The following DACH1 variants were observed in gnomAD, a reference collection of about 807,000 sequenced individuals.
The protein encoded by DACH1 is dachshund family transcription factor 1, also known as dachshund homolog 1.
DACH1 carries 12 observed loss-of-function variants against 54.2 expected under a neutral mutation model. The observed-to-expected ratio is 0.22, with a 90% CI of 0.14 to 0.36. The LOEUF (loss-of-function observed/expected upper bound fraction) is 0.36. DACH1 is among the 10% of genes least tolerant of loss of function. The pLI is 1.00. For synonymous variants in DACH1, 386 were observed against 366.2 expected (o/e 1.05, Z -0.62); for missense variants, 805 against 929.8 (o/e 0.87, Z 1.75).
chr13:71,783,884 C>A (rs1158410918), intron 1 of DACH1, among the ~76,000 whole-genome samples: 2 of 135,776 alleles, frequency 1.5e-5, no homozygotes, highest in African/African-American at 2.8e-5. Context: ...AAATAAAAAA[C>A]AGGATAGTAT....
Position 71,556,679 on chromosome 13 carries a change from TTGTTCTA to T in DACH1, c.1570+338_1570+344del, listed in dbSNP as rs527295917. Among the ~76,000 whole-genome samples, 964 of 152,250 alleles carry T rather than the reference TTGTTCTA, an allele frequency of 6.3e-3. 10 individuals carry two copies. Among genetic ancestry groups the T allele is most frequent in the African/African-American group, 0.022 (899 of 41,554 alleles). On this transcript the variant is annotated intron_variant, in intron 6 of 10. Transcript: ENST00000613252. ...CAGAATAATCCTTTCTATATTGTTATTGTTCTATCATGCTAAGTAAAATGACAGTGAC... is the reference window on the plus strand; with the variant it reads ...CAGAATAATCCTTTCTATATTGTTATTCATGCTAAGTAAAATGACAGTGAC...
intron 1 of DACH1, among the ~76,000 whole-genome samples, chr13:71,770,499 C>A (rs1246805966): frequency 6.6e-6 from 1 of 151,440 alleles, no homozygotes; most frequent in Non-Finnish European, 1.5e-5. Flanking sequence ...GCCCCGTAAT[C>A]CAGTAACATT....
intron 6 of DACH1, among the ~76,000 whole-genome samples, chr13:71,494,970 CT>C (rs1348614608): frequency 6.6e-6 from 1 of 151,984 alleles, no homozygotes; most frequent in African/African-American, 2.4e-5. Context: ...TAATGGGCCT[CT>C]ACTTTTAAAA....
intron 1 of DACH1, among the ~76,000 whole-genome samples, chr13:71,702,514 AT>A (rs1480298273): frequency 6.6e-5 from 10 of 152,260 alleles, no homozygotes; most frequent in Admixed American, 4.6e-4. Context: ...CTTTAAATTT[AT>A]TTTTCCTCTA....
chr13:71,662,284 G>A (rs1419720373), intron 2 of DACH1, among the ~76,000 whole-genome samples: 2 of 151,938 alleles, frequency 1.3e-5, no homozygotes, highest in Non-Finnish European at 2.9e-5. Flanking sequence ...TGTTAAAAGG[G>A]TTCAGAATGA....
chr13:71,472,186 T>C (rs1877139957), intron 10 of DACH1, among the ~76,000 whole-genome samples: 1 of 152,332 alleles, frequency 6.6e-6, no homozygotes, highest in South Asian at 2.1e-4. Context: ...TTACAATTCA[T>C]GAATTCCTAG....
intron 3 of DACH1, among the ~76,000 whole-genome samples, chr13:71,611,959 C>G (rs1422636155): frequency 6.6e-6 from 1 of 151,936 alleles, no homozygotes; most frequent in Non-Finnish European, 1.5e-5. Flanking sequence ...AGCTCAGATA[C>G]AGAGAATACA....
chr13:71,777,337 C>T (rs1007663539), intron 1 of DACH1, among the ~76,000 whole-genome samples: 1 of 152,062 alleles, frequency 6.6e-6, no homozygotes, highest in African/African-American at 2.4e-5. Context: ...GTAGCTTGAA[C>T]AGTAAGTCTC....
intron 1 of DACH1, among the ~76,000 whole-genome samples, chr13:71,808,286 A>AT (rs373447982): frequency 1.0e-3 from 155 of 152,154 alleles, no homozygotes; most frequent in African/African-American, 3.5e-3. Context: ...TCTCCATGAG[A>AT]TTTTTTTGTG....
Position 71,714,970 on chromosome 13 carries a change from G to A in DACH1, c.849-33060C>T, listed in dbSNP as rs529551754. 5.9e-5 allele frequency among the ~76,000 whole-genome samples: 9 copies of A among 152,186 alleles called. No individual in the cohort carries two copies. The South Asian group carries it at 1.9e-3, about 32-fold the overall frequency. On this transcript the variant is annotated intron_variant, in intron 1 of 10. Coordinates refer to ENST00000613252, the MANE Select transcript of DACH1 (RefSeq NM_080759.6). Reference sequence around the variant, plus strand: ...GTTGTGACTTAACTGAGAAAAAAGGGATAGCTAACATACACAGAACATCTA... The same window carrying A: ...GTTGTGACTTAACTGAGAAAAAAGGAATAGCTAACATACACAGAACATCTA...
In DACH1 at chr13:71,505,130, T is replaced by A. The variant is rs1382707270; in HGVS notation, c.1571-15982A>T. ...CTGGAGTCTTACTCTGTCGCCAGGC[T>A]GGAGTGCAGTGGCAAGATCTCGGTT... On this transcript the variant is annotated intron_variant, in intron 6 of 10. Coordinates refer to ENST00000613252, the MANE Select transcript of DACH1 (RefSeq NM_080759.6). Among the ~76,000 whole-genome samples, 3 of 152,130 alleles carry A rather than the reference T, an allele frequency of 2.0e-5. No individual in the cohort carries two copies. The East Asian group carries it at 5.8e-4, about 29-fold the overall frequency.
chr13:71,599,895 G>A (rs1196550500), intron 3 of DACH1, among the ~76,000 whole-genome samples: 2 of 151,566 alleles, frequency 1.3e-5, no homozygotes, highest in East Asian at 1.9e-4. Context: ...GATATAATGT[G>A]AGATGCCTCT....
At chr13:71,616,598 T>C (rs1875785021) in intron 3 of DACH1, among the ~76,000 whole-genome samples, 1 of 151,936 alleles carries the variant, frequency 6.6e-6, no homozygotes, top group Non-Finnish European at 1.5e-5. Context: ...TAGCCAGGTG[T>C]GGTGGCATAT....
chr13:71,840,887 C>T (rs1328288816), intron 1 of DACH1, among the ~76,000 whole-genome samples: 1 of 152,066 alleles, frequency 6.6e-6, no homozygotes, highest in Non-Finnish European at 1.5e-5. Flanking sequence ...ACTTTTCTTT[C>T]CGTCTTACAA....
rs755422954 is a variant in DACH1, at chr13:71,573,008, C to T, written c.1131G>A (p.Leu377=). 2 of 1,613,102 alleles carry T rather than the reference C, an allele frequency of 1.2e-6. No individual in the cohort carries two copies. The highest frequency in any genetic ancestry group is 1.1e-5 in the South Asian group (1 of 90,912). The change falls in exon 4 of 11, where the codon CTG becomes CTA. Residue 377 remains leucine (L), a synonymous_variant. Coordinates refer to ENST00000613252, the MANE Select transcript of DACH1 (RefSeq NM_080759.6). ...GGGGCATCATCATAAAAGGAAGTTC[C>T]AGTCCTATAAAAAATGCACATATAT... ...ENGDMNSSVG[L]ELPFMMMPHP...
rs146055276 is a variant in DACH1, at chr13:71,631,402, G to A, written c.965-685C>T. Among the ~76,000 whole-genome samples the A allele has an allele frequency of 8.4e-3, 1,273 of 152,228 alleles. 51 individuals carry two copies. Among genetic ancestry groups the A allele is most frequent in the Admixed American group, 0.065 (999 of 15,268 alleles). On this transcript the variant is annotated intron_variant, in intron 2 of 10. Coordinates refer to ENST00000613252, the MANE Select transcript of DACH1 (RefSeq NM_080759.6). ...TACCTGTGCTGCTGTTATAGGACATGCCACCCTGCACTGGAATGGTCTGTT... is the reference window on the plus strand; with the variant it reads ...TACCTGTGCTGCTGTTATAGGACATACCACCCTGCACTGGAATGGTCTGTT...
intron 1 of DACH1, among the ~76,000 whole-genome samples, chr13:71,744,913 G>C (rs1054350243): frequency 6.6e-6 from 1 of 152,082 alleles, no homozygotes; most frequent in Admixed American, 6.6e-5. Flanking sequence ...AAGCAACCCA[G>C]CAAGGTTTGG....
chr13:71,795,072 A>G (rs1789295549), intron 1 of DACH1, among the ~76,000 whole-genome samples: 1 of 152,204 alleles, frequency 6.6e-6, no homozygotes, highest in African/African-American at 2.4e-5. Context: ...CATAAATAAG[A>G]GTATAAAATG....
intron 1 of DACH1, among the ~76,000 whole-genome samples, chr13:71,839,636 T>A (rs575085274): frequency 3.3e-5 from 5 of 151,952 alleles, no homozygotes; most frequent in South Asian, 2.1e-4. Flanking sequence ...AAAAATAAAA[T>A]TAAAAAAGGA....
Sources: gnomAD v4.1 joint callset for allele counts (sites outside exome capture counted in the v4.1 genomes callset) on GRCh38, gnomAD v4.1.1 for gene constraint, MANE v1.5 for transcripts, NCBI Gene and HGNC (gene_info 2026-07-23, HGNC 2026-07-21) for gene names.